The following MEF2A variants were observed in gnomAD, a reference collection of about 807,000 sequenced individuals.
MEF2A encodes the protein myocyte enhancer factor 2A, also known as myocyte-specific enhancer factor 2A.
Under a neutral mutation model 55.8 loss-of-function variants are expected in MEF2A, and 28 were observed. The ratio of observed to expected loss-of-function variants is 0.50; its 90% CI spans 0.37 to 0.69. The LOEUF (loss-of-function observed/expected upper bound fraction) is 0.69, where lower values mean the gene tolerates loss of function less well. Among genes scored for constraint, MEF2A ranks in the 30% least tolerant of loss-of-function variants. The pLI, the probability that MEF2A is intolerant of heterozygous loss-of-function variation, is 0.00. For synonymous variants in MEF2A, 239 were observed against 227.1 expected, an observed-to-expected ratio of 1.05 and a Z score of -0.47; for missense variants, 528 against 626.2, an observed-to-expected ratio of 0.84 and a Z score of 1.67.
chr15:99,630,807 GT>G (rs2042830424), intron 2 of MEF2A, among the ~76,000 whole-genome samples: 1 of 152,188 alleles, frequency 6.6e-6, no homozygotes, highest in Non-Finnish European at 1.5e-5. Context: ...TATACCTAGA[GT>G]ATAGTTCTTT....
Position 99,669,775 on chromosome 15 carries a change from G to C in MEF2A, c.259-1548G>C, listed in dbSNP as rs2050489509. 2.6e-5 allele frequency among the ~76,000 whole-genome samples: 4 copies of C among 152,112 alleles called. No homozygotes were observed. In the South Asian group the frequency reaches 8.3e-4, roughly 31 times the overall value. On this transcript the variant is annotated intron_variant, in intron 4 of 11. Coordinates refer to ENST00000557942, the MANE Select transcript of MEF2A (RefSeq NM_001319206.4). ...TTGAATCTTAATGTACTGTGCTTAT[G>C]TTCTACTTCATTCAAGAAAAAAGGA...
chr15:99,661,622 T>C (rs1421796604), intron 4 of MEF2A, among the ~76,000 whole-genome samples: 2 of 152,102 alleles, frequency 1.3e-5, no homozygotes, highest in African/African-American at 4.8e-5. Flanking sequence ...ATGTGGCCTA[T>C]AGATATGAAA....
chr15:99,587,717 A>G (rs528339545), intron 1 of MEF2A, among the ~76,000 whole-genome samples: 1 of 152,306 alleles, frequency 6.6e-6, no homozygotes, highest in South Asian at 2.1e-4. Context: ...ACATATTTTT[A>G]CAAAACTTAA....
chr15:99,685,204 ATT>A (rs371993146), intron 7 of MEF2A, among the ~76,000 whole-genome samples: 2 of 151,490 alleles, frequency 1.3e-5, no homozygotes, highest in African/African-American at 4.9e-5. Context: ...GAATTTTAGG[ATT>A]TTTTTCCCCC....
intron 4 of MEF2A, among the ~76,000 whole-genome samples, chr15:99,658,123 T>C (rs567467540): frequency 1.1e-4 from 17 of 152,170 alleles, no homozygotes; most frequent in African/African-American, 1.4e-4. Flanking sequence ...ATAGCTCTTA[T>C]ATATTTCAGA....
chr15:99,688,706 G>A (rs532574723), intron 7 of MEF2A, among the ~76,000 whole-genome samples: 15 of 152,274 alleles, frequency 9.9e-5, no homozygotes, highest in Admixed American at 6.5e-4. Context: ...GCAGTGAGCC[G>A]AGATCGCGCT....
At position 99,687,776 on chromosome 15, in the gene MEF2A, G is replaced by GTGAT. The variant is rs535427809; in HGVS notation, c.671-2464_671-2461dup. Reference sequence around the variant, plus strand: ...ATAATTTTGGTATATTCATGCCTATGTGATATGCCTGCTCTTGCTAACTAG... The same window carrying GTGAT: ...ATAATTTTGGTATATTCATGCCTATGTGATTGATATGCCTGCTCTTGCTAACTAG... On this transcript the variant is annotated intron_variant, in intron 7 of 11. Coordinates refer to ENST00000557942, the MANE Select transcript of MEF2A (RefSeq NM_001319206.4). 6.9e-3 allele frequency among the ~76,000 whole-genome samples: 1,046 copies of GTGAT among 152,312 alleles called. 12 individuals are homozygous for GTGAT. The highest frequency in any genetic ancestry group is 0.024 in the African/African-American group (994 of 41,564).
Position 99,674,628 on chromosome 15 carries a change from T to G in MEF2A, c.610+16T>G, listed in dbSNP as rs1340930944. ...GGCAATGCAGGTATGTAGTGATACC[T>G]ATTATGCTGGTTCTTTAATAAAGAG... On this transcript the variant is annotated intron_variant, in intron 6 of 11. Transcript: ENST00000557942. 6.3e-7 allele frequency: 1 copy of G among 1,581,836 alleles called. No homozygotes were observed. Among genetic ancestry groups the G allele is most frequent in the Non-Finnish European group, 8.7e-7 (1 of 1,153,678 alleles).
intron 4 of MEF2A, among the ~76,000 whole-genome samples, chr15:99,648,400 T>C (rs1256863419): frequency 6.6e-6 from 1 of 152,154 alleles, no homozygotes; most frequent in Non-Finnish European, 1.5e-5. Context: ...GAAGATTTTA[T>C]GTATATTTAT....
chr15:99,621,533 G>GT (rs1166932690), intron 2 of MEF2A, among the ~76,000 whole-genome samples: 40 of 152,104 alleles, frequency 2.6e-4, no homozygotes, highest in African/African-American at 9.4e-4. Context: ...TGCAACAGTA[G>GT]TAAGTGTTTC....
intron 4 of MEF2A, among the ~76,000 whole-genome samples, chr15:99,664,394 A>G (rs1596960415): frequency 6.6e-6 from 1 of 152,222 alleles, no homozygotes; most frequent in African/African-American, 2.4e-5. Context: ...ATGGTCTCTC[A>G]TCTCTGCCAC....
At chr15:99,604,663 T>C (rs1184884648) in intron 2 of MEF2A, among the ~76,000 whole-genome samples, 4 of 152,046 alleles carry the variant, frequency 2.6e-5, no homozygotes, top group Non-Finnish European at 4.4e-5. Flanking sequence ...CTATAATGTT[T>C]GGATGCTGGA....
At chr15:99,670,227 A>G (rs2050583744) in intron 4 of MEF2A, among the ~76,000 whole-genome samples, 1 of 152,230 alleles carries the variant, frequency 6.6e-6, no homozygotes, top group Non-Finnish European at 1.5e-5. Context: ...TTAAAAATAA[A>G]AATCAGAAAA....
At chr15:99,624,634 G>C (rs1378616894) in intron 2 of MEF2A, among the ~76,000 whole-genome samples, 1 of 152,072 alleles carries the variant, frequency 6.6e-6, no homozygotes, top group Middle Eastern at 3.2e-3. Context: ...TCTTTTTCAA[G>C]ATTATTTTGG....
intron 1 of MEF2A, among the ~76,000 whole-genome samples, chr15:99,590,310 A>G (rs539197118): frequency 1.6e-4 from 24 of 151,108 alleles, no homozygotes; most frequent in Non-Finnish European, 3.0e-4. Context: ...ATTAATGTTT[A>G]TATGATATAT....
intron 4 of MEF2A, among the ~76,000 whole-genome samples, chr15:99,670,769 A>G (rs1477634030): frequency 2.6e-5 from 4 of 152,376 alleles, no homozygotes; most frequent in African/African-American, 9.6e-5. Flanking sequence ...CATTGCAGAC[A>G]TAAATAATTA....
intron 7 of MEF2A, among the ~76,000 whole-genome samples, chr15:99,688,684 G>T (rs1023383280): frequency 6.6e-6 from 1 of 152,170 alleles, no homozygotes; most frequent in Non-Finnish European, 1.5e-5. Context: ...GTGAACCCAG[G>T]AGGTGGAGCT....
intron 5 of MEF2A, among the ~76,000 whole-genome samples, chr15:99,673,661 A>C (rs2153638940): frequency 6.6e-6 from 1 of 152,308 alleles, no homozygotes; most frequent in East Asian, 1.9e-4. Context: ...AATAGAAAAA[A>C]GGGGATATGG....
chr15:99,633,214 C>G (rs770568287), intron 3 of MEF2A, 41 bp downstream of exon 3: 3 of 1,383,226 alleles, frequency 2.2e-6, no homozygotes, highest in African/African-American at 3.0e-5. Context: ...TATGAATATT[C>G]TTTTAAAAAA....
Sources: gnomAD v4.1 joint callset for allele counts (sites outside exome capture counted in the v4.1 genomes callset) on GRCh38, gnomAD v4.1.1 for gene constraint, MANE v1.5 for transcripts, NCBI Gene and HGNC (gene_info 2026-07-23, HGNC 2026-07-21) for gene names.